The following SDC1 variants were observed in gnomAD, a reference collection of about 807,000 sequenced individuals.
The protein encoded by SDC1 is syndecan-1.
In SDC1, 14 loss-of-function variants were observed where a neutral mutation model predicts 29.7. That is an observed-to-expected ratio of 0.47 (90% CI 0.31 to 0.74). The LOEUF (loss-of-function observed/expected upper bound fraction) is 0.74. SDC1 is among the 30% of genes least tolerant of loss of function. SDC1 has a pLI of 0.05. For synonymous variants in SDC1, 204 were observed against 175.5 expected (o/e 1.16, Z -1.29); for missense variants, 406 against 400.3 (o/e 1.01, Z -0.12).
At chr2:20,207,965 T>C in intron 1 of SDC1, 1 of 985,408 alleles carries the variant, frequency 1.0e-6, no homozygotes, top group Non-Finnish European at 1.2e-6. Context: ...GACTCTGCCC[T>C]GCCCTCTCCT....
Position 20,224,251 on chromosome 2 carries a change from G to C in SDC1, c.66+551C>G. 1 of 283,892 alleles carries C rather than the reference G, an allele frequency of 3.5e-6. No homozygotes were observed. Among genetic ancestry groups the C allele is most frequent in the Non-Finnish European group, 7.1e-6 (1 of 139,950 alleles). 17.6% of individuals were successfully genotyped at this position (283,892 alleles called of 1,614,324 possible). On this transcript the variant is annotated intron_variant, in intron 1 of 4. Coordinates refer to ENST00000254351, the MANE Select transcript of SDC1 (RefSeq NM_002997.5). This position sits in a 1 kb window ranked among gnomAD's most constrained non-coding sequence, Gnocchi z 4.9. Reference sequence around the variant, plus strand: ...GACGCTCGCCCGCGCCCCCCACGCAGCCCTGGCCCGGCTCCCCGGGCCAAC... The same window carrying C: ...GACGCTCGCCCGCGCCCCCCACGCACCCCTGGCCCGGCTCCCCGGGCCAAC...
At chr2:20,210,374 A>G (rs1384484077) in intron 1 of SDC1, among the ~76,000 whole-genome samples, 4 of 152,098 alleles carry the variant, frequency 2.6e-5, no homozygotes, top group African/African-American at 9.7e-5. Flanking sequence ...CTCAGAACAT[A>G]TGGCCAGGTG....
rs1358794057 is a variant in SDC1 at position 20,205,427 on chromosome 2, G to A, written c.67-3C>T. ...GGCAAATTAGTAGCCACAATTTGCT[G>A]GAAAAGGATCAGAATATGGTATGAG... On this transcript the variant is annotated splice_polypyrimidine_tract_variant and splice_region_variant and intron_variant, in intron 1 of 4. Coordinates refer to ENST00000254351, the MANE Select transcript of SDC1 (RefSeq NM_002997.5). 1.2e-6 allele frequency: 2 copies of A among 1,613,120 alleles called. No homozygotes were observed. The highest frequency in any genetic ancestry group is 1.7e-5 in the Admixed American group (1 of 60,020).
intron 1 of SDC1, among the ~76,000 whole-genome samples, chr2:20,217,002 G>A (rs1471065407): frequency 6.6e-6 from 1 of 152,202 alleles, no homozygotes; most frequent in Non-Finnish European, 1.5e-5. Context: ...GATCCATGGT[G>A]CACACGAGTG....
intron 1 of SDC1, among the ~76,000 whole-genome samples, chr2:20,212,310 T>C (rs1323291447): frequency 6.6e-6 from 1 of 152,048 alleles, no homozygotes; most frequent in Non-Finnish European, 1.5e-5. Context: ...TTGCCTCAGG[T>C]TGTCCATCTG....
intron 1 of SDC1, among the ~76,000 whole-genome samples, chr2:20,213,438 A>C (rs184551399): frequency 2.1e-3 from 319 of 152,320 alleles, no homozygotes; most frequent in Non-Finnish European, 4.0e-3. Flanking sequence ...CCCCCCACTT[A>C]GGGACCCACA....
chr2:20,222,977 C>A (rs1405577131), intron 1 of SDC1, among the ~76,000 whole-genome samples: 2 of 152,220 alleles, frequency 1.3e-5, no homozygotes, highest in Non-Finnish European at 2.9e-5. Flanking sequence ...GCTCCATTCT[C>A]TTCTCCAAAC....
At chr2:20,220,517 G>C (rs1677784688) in intron 1 of SDC1, among the ~76,000 whole-genome samples, 1 of 152,080 alleles carries the variant, frequency 6.6e-6, no homozygotes, top group South Asian at 2.1e-4. Flanking sequence ...TGAAAGAAAA[G>C]TACTGAGCAC....
chr2:20,216,359 A>T (rs1677626659), intron 1 of SDC1, among the ~76,000 whole-genome samples: 2 of 151,936 alleles, frequency 1.3e-5, no homozygotes, highest in African/African-American at 2.4e-5. Flanking sequence ...CCTCCCCGAT[A>T]CCCCATCCTG....
At chr2:20,221,196 T>C (rs1281659660) in intron 1 of SDC1, among the ~76,000 whole-genome samples, 1 of 152,148 alleles carries the variant, frequency 6.6e-6, no homozygotes, top group Non-Finnish European at 1.5e-5. Context: ...TCAGTCTCAC[T>C]CACAGGCAAG....
intron 1 of SDC1, among the ~76,000 whole-genome samples, chr2:20,207,707 A>G (rs1677324089): frequency 6.6e-6 from 1 of 152,128 alleles, no homozygotes; most frequent in Non-Finnish European, 1.5e-5. Flanking sequence ...CTCCGTCTCA[A>G]TCAATCAATC....
intron 1 of SDC1, among the ~76,000 whole-genome samples, chr2:20,215,361 C>T (rs79513385): frequency 0.02 from 3,033 of 152,312 alleles, 98 homozygotes; most frequent in African/African-American, 0.068. Flanking sequence ...CCAGCCCGTA[C>T]CTTCTCAGGT....
chr2:20,209,213 A>C (rs1677382758), intron 1 of SDC1, among the ~76,000 whole-genome samples: 1 of 152,140 alleles, frequency 6.6e-6, no homozygotes, highest in Non-Finnish European at 1.5e-5. Context: ...AACACTTTCC[A>C]CCCATTCCTC....
chr2:20,222,110 C>CACAG lies in SDC1; in HGVS notation c.66+2691_66+2692insCTGT, dbSNP rs557201293. ...GTAAACACACACACACACACACACACAGAGAGAAAGAGAGAGAGAAACCTT... is the reference window on the plus strand; with the variant it reads ...GTAAACACACACACACACACACACACACAGAGAGAGAAAGAGAGAGAGAAACCTT... On this transcript the variant is annotated intron_variant, in intron 1 of 4. Coordinates refer to ENST00000254351, the MANE Select transcript of SDC1 (RefSeq NM_002997.5). 9.0e-3 allele frequency among the ~76,000 whole-genome samples: 1,361 copies of CACAG among 151,188 alleles called. 27 individuals carry two copies. The highest frequency in any genetic ancestry group is 0.032 in the African/African-American group (1,308 of 41,014).
At chr2:20,217,435 G>A (rs1014427400) in intron 1 of SDC1, among the ~76,000 whole-genome samples, 1 of 152,070 alleles carries the variant, frequency 6.6e-6, no homozygotes, top group Non-Finnish European at 1.5e-5. Flanking sequence ...GCACAGGCAG[G>A]CCCCCAGATA....
chr2:20,225,199 C>A, upstream of SDC1: 1 of 194,428 alleles, frequency 5.1e-6, no homozygotes, highest in Non-Finnish European at 1.0e-5. Flanking sequence ...GACCCCGCCC[C>A]CCAGCCACCC....
At chr2:20,212,395 C>T (rs540871983) in intron 1 of SDC1, among the ~76,000 whole-genome samples, 18 of 152,316 alleles carry the variant, frequency 1.2e-4, no homozygotes, top group Non-Finnish European at 2.4e-4. Context: ...CCAGGAGACA[C>T]TGGGCTCCCC....
At chr2:20,213,434 A>G (rs958195237) in intron 1 of SDC1, among the ~76,000 whole-genome samples, 1 of 151,994 alleles carries the variant, frequency 6.6e-6, no homozygotes, top group Non-Finnish European at 1.5e-5. Flanking sequence ...AACACCCCCC[A>G]CTTAGGGACC....
At chr2:20,220,121 C>T (rs1397951895) in intron 1 of SDC1, among the ~76,000 whole-genome samples, 5 of 152,218 alleles carry the variant, frequency 3.3e-5, no homozygotes, top group African/African-American at 4.8e-5. Context: ...GAGGAGCTCT[C>T]GCCTGTCCCT....
Sources: allele counts gnomAD v4.1 joint callset (sites outside exome capture counted in the v4.1 genomes callset), GRCh38; gene constraint gnomAD v4.1.1; non-coding constraint Gnocchi (gnomAD v3.1); transcripts MANE v1.5; gene names NCBI Gene and HGNC (gene_info 2026-07-23, HGNC 2026-07-21).